MGME1: variants seen among roughly 807,000 people sequenced by gnomAD.
MGME1 encodes the protein chromosome 20 open reading frame 72.
In MGME1, 22 loss-of-function variants were observed where a neutral mutation model predicts 33.0. That is an observed-to-expected ratio of 0.67 (90% CI 0.48 to 0.95). The LOEUF is 0.95. Among genes scored for constraint, MGME1 ranks in the 40% least tolerant of loss-of-function variants. The probability of loss-of-function intolerance (pLI) is 0.00; values close to 1 mark genes in which losing one functional copy is unlikely to be tolerated. For synonymous variants in MGME1, 133 were observed against 144.0 expected (o/e 0.92, Z 0.55); for missense variants, 383 against 397.8 (o/e 0.96, Z 0.32).
Position 17,975,869 on chromosome 20 carries a change from T to TA in MGME1, c.698dup (p.Tyr233Ter). 6.2e-7 allele frequency: 1 copy of TA among 1,614,064 alleles called. No homozygotes were observed. Among genetic ancestry groups the TA allele is most frequent in the Non-Finnish European group, 8.5e-7 (1 of 1,179,948 alleles). The change falls in exon 3 of 5, where the codon TAT (tyrosine) becomes TAAT (stop). Residue 233 changes from tyrosine (Y) to a stop codon, truncating the protein, a stop_gained and frameshift_variant. Transcript: ENST00000377710. LOFTEE classifies it high-confidence loss of function. The stretch of plus-strand genomic sequence containing the variant: ...TGCTGTTCAACATGAAACCTTAAAC[T>TA]ATATAGGTCTGCTGGACTGTGTGGC... ...ESAVQHETLN[Y>*]IGLLDCVAEY...
chr20:17,977,694 A>T, intron 3 of MGME1, among the ~76,000 whole-genome samples: 1 of 152,182 alleles, frequency 6.6e-6, no homozygotes, highest in East Asian at 1.9e-4. Context: ...CGTTCTCCAG[A>T]TATCAGGGTA....
intron 2 of MGME1, among the ~76,000 whole-genome samples, chr20:17,973,591 A>G (rs981050238): frequency 1.3e-4 from 19 of 151,830 alleles, no homozygotes; most frequent in African/African-American, 4.6e-4. Flanking sequence ...ACAGTGAGCA[A>G]TGATCGAGCC....
intron 4 of MGME1, 141 bp downstream of exon 4, chr20:17,988,439 C>G: frequency 1.3e-6 from 1 of 798,546 alleles, no homozygotes; most frequent in Non-Finnish European, 1.9e-6. Context: ...GTCAGGAGTT[C>G]AAGACCAGCC....
At chr20:17,975,610 T>G in intron 2 of MGME1, 74 bp from the exon 3 acceptor site, 1 of 1,082,892 alleles carries the variant, frequency 9.2e-7, no homozygotes, top group Non-Finnish European at 1.4e-6. Flanking sequence ...TTCAGGGCGT[T>G]TTAGAGTATT....
Position 17,969,937 on chromosome 20 carries a change from G to C in MGME1, c.78G>C (p.Val26=). The part of the protein sequence containing the change: ...SKFSVESAAL[V]AFSTSSYSCG... ...TTTCTGTGGAATCAGCTGCCCTTGTGGCTTTCTCTACTTCCTCTTACTCAT... is the reference window on the plus strand; with the variant it reads ...TTTCTGTGGAATCAGCTGCCCTTGTCGCTTTCTCTACTTCCTCTTACTCAT... Residue 26 remains valine (V), a synonymous_variant, in exon 2 of 5, where the codon GTG becomes GTC. Transcript: ENST00000377710. 6.2e-7 allele frequency: 1 copy of C among 1,614,136 alleles called. No individual in the cohort carries two copies. Among genetic ancestry groups the C allele is most frequent in the East Asian group, 2.2e-5 (1 of 44,880 alleles).
In MGME1 at chr20:17,990,218, C is replaced by A; in HGVS notation, c.*109C>A. On this transcript the variant is annotated 3_prime_UTR_variant, in exon 5 of 5. Transcript: ENST00000377710. ...GGTGCCACTGGATCTGAGTGCTACA[C>A]GAACACAAGTAGAAGTATTAATTTG... The A allele has an allele frequency of 1.1e-6, 1 of 897,194 alleles. No individual in the cohort carries two copies. Among genetic ancestry groups the A allele is most frequent in the Non-Finnish European group, 1.8e-6 (1 of 550,332 alleles). 55.6% of individuals were successfully genotyped at this position (897,194 alleles called of 1,614,324 possible).
At chr20:17,976,810 C>T (rs1050324029) in intron 3 of MGME1, among the ~76,000 whole-genome samples, 7 of 152,098 alleles carry the variant, frequency 4.6e-5, no homozygotes, top group African/African-American at 1.4e-4. Flanking sequence ...TACAGGCATG[C>T]GCCACCATGT....
At chr20:17,989,322 G>T (rs1280098039) in intron 4 of MGME1, among the ~76,000 whole-genome samples, 2 of 151,864 alleles carry the variant, frequency 1.3e-5, no homozygotes, top group East Asian at 1.9e-4. Context: ...GGAGGCGGAG[G>T]TTGCGGTGAG....
chr20:17,974,709 GTTAAATA>G (rs2035816129), intron 2 of MGME1, among the ~76,000 whole-genome samples: 1 of 151,884 alleles, frequency 6.6e-6, no homozygotes, highest in South Asian at 2.1e-4. Flanking sequence ...AATATTACAT[GTTAAATA>G]TTAAATATTA....
In MGME1 at chr20:17,983,607, T is replaced by TA. The variant is rs548240411; in HGVS notation, c.732-4558dup. Among the ~76,000 whole-genome samples the TA allele has an allele frequency of 3.3e-5, 5 of 152,290 alleles. No individual in the cohort carries two copies. In the South Asian group the frequency reaches 1.0e-3, roughly 32 times the overall value. On this transcript the variant is annotated intron_variant, in intron 3 of 4. Transcript: ENST00000377710. ...CTTTTCTGCAGTCCTCACCAACACT[T>TA]ACCTTTTGTCTTTTTGATAATAGCC... is the stretch of plus-strand genomic sequence containing the variant.
At position 17,988,169 on chromosome 20, in the gene MGME1, C is replaced by A. The variant is rs151283958; in HGVS notation, c.735C>A (p.Gly245=). The change falls in exon 4 of 5, where the codon GGC becomes GGA. Residue 245 remains glycine, a synonymous_variant. Coordinates refer to ENST00000377710, the MANE Select transcript of MGME1 (RefSeq NM_052865.4). ...GLLDCVAEYQ[G]KLCVIDWKTS... Reference sequence around the variant, plus strand: ...TCTTCCTGTGGTTTCTCTTTAGGGGCAAGCTCTGTGTGATTGATTGGAAGA... The same window carrying A: ...TCTTCCTGTGGTTTCTCTTTAGGGGAAAGCTCTGTGTGATTGATTGGAAGA... 2 of 1,611,944 alleles carry A rather than the reference C, an allele frequency of 1.2e-6. No individual in the cohort carries two copies. Among genetic ancestry groups the A allele is most frequent in the African/African-American group, 2.7e-5 (2 of 74,930 alleles).
chr20:17,977,261 A>C (rs971661225), intron 3 of MGME1, among the ~76,000 whole-genome samples: 1 of 151,982 alleles, frequency 6.6e-6, no homozygotes, highest in African/African-American at 2.4e-5. Context: ...CTATAGTCCC[A>C]GCTACTCGGG....
chr20:17,974,613 CAT>C (rs1341709349), intron 2 of MGME1, among the ~76,000 whole-genome samples: 3 of 152,096 alleles, frequency 2.0e-5, no homozygotes, highest in African/African-American at 7.2e-5. Flanking sequence ...CTAGTATTCA[CAT>C]GTTATAAAAT....
Position 17,988,260 on chromosome 20 carries a change from A to T in MGME1, c.826A>T (p.Met276Leu). The change falls in exon 4 of 5, where the codon ATG becomes TTG. Residue 276 changes from methionine to leucine, a missense_variant. By Grantham distance (15) the Met-to-Leu change is conservative. Transcript: ENST00000377710. ...CAACCCACTGCAAGTTGTGGCATAC[A>T]TGGGTGCCATGAACCATGATACCAA... ...FDNPLQVVAYMGAMNHDTNYS... is the reference protein window; with the variant it reads ...FDNPLQVVAYLGAMNHDTNYS... The T allele has an allele frequency of 1.2e-6, 2 of 1,614,116 alleles. No individual in the cohort carries two copies. Among genetic ancestry groups the T allele is most frequent in the Non-Finnish European group, 1.7e-6 (2 of 1,179,968 alleles).
chr20:17,971,531 TGAAATTACTAATAA>T (rs1460345554), intron 2 of MGME1, among the ~76,000 whole-genome samples: 2 of 152,212 alleles, frequency 1.3e-5, no homozygotes, highest in African/African-American at 4.8e-5. Context: ...AATGTACAGC[TGAAATTACTAATAA>T]GAAATGTATT....
intron 4 of MGME1, 55 bp from the exon 5 acceptor site, chr20:17,989,884 C>T: frequency 6.5e-7 from 1 of 1,548,422 alleles, no homozygotes; most frequent in Non-Finnish European, 8.8e-7. Flanking sequence ...AGGAAACGAA[C>T]CTAAACTCTG....
chr20:17,975,957 C>A, intron 3 of MGME1, 54 bp downstream of exon 3: 1 of 1,388,516 alleles, frequency 7.2e-7, no homozygotes, highest in Non-Finnish European at 1.0e-6. Context: ...TGGTGCCTGT[C>A]AAAGGTGTGC....
intron 3 of MGME1, 75 bp from the exon 4 acceptor site, chr20:17,988,091 A>G (rs2036198621): frequency 7.1e-7 from 1 of 1,412,892 alleles, no homozygotes; most frequent in Admixed American, 2.2e-5. Context: ...AACTATACAT[A>G]AGAGAACTGT....
Position 17,990,409 on chromosome 20 carries a change from T to TTGG in MGME1, c.*301_*303dup, listed in dbSNP as rs369475314. On this transcript the variant is annotated 3_prime_UTR_variant, in exon 5 of 5. Coordinates refer to ENST00000377710, the MANE Select transcript of MGME1 (RefSeq NM_052865.4). ...GACTCTTGTACTCCCTTGAGGGACA[T>TTGG]TGGGGGGGGGGGGGCGTGGTCCCAG... 0.36 allele frequency: 22,813 copies of TTGG among 63,828 alleles called. 4,229 individuals are homozygous for TTGG. The highest frequency in any genetic ancestry group is 0.45 in the East Asian group (1,474 of 3,266). The allele number at this position is 63,828 out of a possible 1,614,324, so 4.0% of individuals were successfully genotyped here. A position where few individuals can be genotyped will look rare whatever the true frequency, so the allele number is the denominator to read the frequency against.
Sources: gnomAD v4.1 joint callset for allele counts (sites outside exome capture counted in the v4.1 genomes callset) on GRCh38, gnomAD v4.1.1 for gene constraint, MANE v1.5 for transcripts, NCBI Gene and HGNC (gene_info 2026-07-23, HGNC 2026-07-21) for gene names.